AKAP9: variants seen among roughly 807,000 people sequenced by gnomAD.
AKAP9 encodes the protein A-kinase anchoring protein 9, also known as A-kinase anchor protein 9.
Under a neutral mutation model 488.5 loss-of-function variants are expected in AKAP9, and 311 were observed. The observed-to-expected ratio is 0.64, with a 90% CI of 0.58 to 0.70. AKAP9 has a LOEUF of 0.70. Ranked by LOEUF, AKAP9 falls within the 30% of genes least tolerant of loss-of-function variation. The pLI is 0.00. For missense variants in AKAP9, 4,215 were observed against 4,374.5 expected, an observed-to-expected ratio of 0.96 and a Z score of 1.03; for synonymous variants, 1,462 against 1,483.5, an observed-to-expected ratio of 0.99 and a Z score of 0.33.
In AKAP9 at chr7:91,994,639, G is replaced by A. The variant is rs1233431465; in HGVS notation, c.595G>A (p.Ala199Thr). 5 of 1,612,498 alleles carry A rather than the reference G, an allele frequency of 3.1e-6. No homozygotes were observed. The Admixed American group carries it at 8.4e-5, about 27-fold the overall frequency. ...GLQQLQEFEA[A>T]IKQRDGIITQ... The stretch of plus-strand genomic sequence containing the variant: ...CTTTCAGTTACAAGAATTTGAAGCT[G>A]CCATTAAACAAAGAGATGGCATTAT... The change falls in exon 6 of 50, where the codon GCC (alanine) becomes ACC (threonine). Residue 199 changes from alanine (A) to threonine (T), a missense_variant. Coordinates refer to ENST00000356239, the MANE Select transcript of AKAP9 (RefSeq NM_005751.5).
intron 1 of AKAP9, among the ~76,000 whole-genome samples, chr7:91,962,836 CTG>C (rs68124929): frequency 0.4 from 60,478 of 151,602 alleles, 12,318 homozygotes; most frequent in African/African-American, 0.46. Flanking sequence ...TTTAATCGAA[CTG>C]TTTATGATGC....
At chr7:91,979,711 T>C (rs1370352986) in intron 2 of AKAP9, among the ~76,000 whole-genome samples, 1 of 152,194 alleles carries the variant, frequency 6.6e-6, no homozygotes, top group African/African-American at 2.4e-5. Context: ...TAATGTATGA[T>C]AGTGCATCTG....
chr7:92,066,696 G>A, intron 26 of AKAP9, 150 bp downstream of exon 26: 2 of 982,036 alleles, frequency 2.0e-6, no homozygotes, highest in Non-Finnish European at 3.0e-6. Flanking sequence ...GCATGAGAAG[G>A]TAATTAACCC....
At chr7:91,971,309 A>G (rs1489017255) in intron 1 of AKAP9, among the ~76,000 whole-genome samples, 2 of 152,044 alleles carry the variant, frequency 1.3e-5, no homozygotes, top group Non-Finnish European at 2.9e-5. Flanking sequence ...CTCAGTTCCA[A>G]AATTTCTTTT....
chr7:92,095,155 G>T lies in AKAP9; in HGVS notation c.9711G>T (p.Arg3237=), dbSNP rs747049411. The change falls in exon 40 of 50, where the codon CGG becomes CGT. Residue 3237 remains arginine (R), a synonymous_variant. Coordinates refer to ENST00000356239, the MANE Select transcript of AKAP9 (RefSeq NM_005751.5). ...EKAKLGRSEE[R]DKEELEDLKF... ...CCAAGTTGGGACGCAGTGAAGAACG[G>T]GATAAAGAAGAACTTGAGGTACTGT... The T allele has an allele frequency of 2.5e-6, 4 of 1,614,036 alleles. No individual in the cohort carries two copies. The highest frequency in any genetic ancestry group is 1.7e-5 in the Admixed American group (1 of 60,000).
At chr7:92,106,690 C>T (rs1329955728) in intron 47 of AKAP9, among the ~76,000 whole-genome samples, 1 of 152,062 alleles carries the variant, frequency 6.6e-6, no homozygotes, top group Non-Finnish European at 1.5e-5. Flanking sequence ...AGATGAGGTC[C>T]GAATCTGGGG....
At chr7:92,049,982 C>T (rs1807661113) in intron 21 of AKAP9, among the ~76,000 whole-genome samples, 1 of 151,988 alleles carries the variant, frequency 6.6e-6, no homozygotes, top group African/African-American at 2.4e-5. Context: ...AAACATTAGA[C>T]TGTCTTCATA....
rs181172349 is a variant in AKAP9, at chr7:91,957,650, A to G, written c.49-16061A>G. Reference sequence around the variant, plus strand: ...CACAGATGAGTACAGTTAGCTTTATATATATTATCCTCTGAGTCTTATCTA... The same window carrying G: ...CACAGATGAGTACAGTTAGCTTTATGTATATTATCCTCTGAGTCTTATCTA... On this transcript the variant is annotated intron_variant, in intron 1 of 49. Transcript: ENST00000356239. 1.9e-3 allele frequency among the ~76,000 whole-genome samples: 286 copies of G among 152,302 alleles called. 1 individual carries two copies. Among genetic ancestry groups the G allele is most frequent in the Middle Eastern group, 3.4e-3 (1 of 294 alleles).
In AKAP9 at chr7:92,062,439, C is replaced by T; in HGVS notation, c.5930C>T (p.Ser1977Phe). ...ATCCAAGAAGAAAGAGAATTACTGT[C>T]CAGACAAAAGGAAGCTATGAAAGCA... ...QQIQEERELL[S>F]RQKEAMKAEA... The change falls in exon 24 of 50, where the codon TCC becomes TTC. Residue 1977 changes from serine to phenylalanine, a missense_variant. Transcript: ENST00000356239. The T allele has an allele frequency of 6.2e-7, 1 of 1,613,704 alleles. No individual in the cohort carries two copies. Among genetic ancestry groups the T allele is most frequent in the Non-Finnish European group, 8.5e-7 (1 of 1,179,806 alleles).
At chr7:91,967,195 T>C (rs1360745871) in intron 1 of AKAP9, among the ~76,000 whole-genome samples, 2 of 152,226 alleles carry the variant, frequency 1.3e-5, no homozygotes, top group Admixed American at 6.5e-5. Flanking sequence ...TGAATTTGTT[T>C]ATCAGTTCTA....
chr7:91,994,690 C>G lies in AKAP9; in HGVS notation c.646C>G (p.Gln216Glu). The G allele has an allele frequency of 6.2e-7, 1 of 1,613,110 alleles. No homozygotes were observed. Among genetic ancestry groups the G allele is most frequent in the South Asian group, 1.1e-5 (1 of 90,934 alleles). Residue 216 changes from glutamine to glutamate, a missense_variant, in exon 6 of 50, where the codon CAA becomes GAA. This residue lies in a region of AKAP9 where 2,361 missense variants were observed against 2,430.0 expected (regional missense o/e 0.97). Transcript: ENST00000356239. ...AACCCAGCTCACTGCTAATTTACAA[C>G]AAGCAAGAAGAGAAAAGGATGAGAC... Reference protein sequence around the residue: ...IITQLTANLQQARREKDETMR... With the variant: ...IITQLTANLQEARREKDETMR...
In AKAP9 at chr7:91,940,931, T is replaced by C. The variant is rs1790663049; in HGVS notation, c.-169T>C. ...GCGCTTCCCGTGCGGCTGAGGACGA[T>C]CCGCCAGTGAGCGCGGAGACTGCTT... On this transcript the variant is annotated 5_prime_UTR_variant, in exon 1 of 50. Coordinates refer to ENST00000356239, the MANE Select transcript of AKAP9 (RefSeq NM_005751.5). 2.7e-6 allele frequency: 2 copies of C among 739,308 alleles called. No individual in the cohort carries two copies. The highest frequency in any genetic ancestry group is 4.8e-6 in the Non-Finnish European group (2 of 418,224). The allele number at this position is 739,308 out of a possible 1,614,324, so 45.8% of individuals were successfully genotyped here. A position where few individuals can be genotyped will look rare whatever the true frequency, so the allele number is the denominator to read the frequency against.
intron 1 of AKAP9, among the ~76,000 whole-genome samples, chr7:91,956,821 G>A (rs1055024376): frequency 1.3e-5 from 2 of 152,150 alleles, no homozygotes; most frequent in African/African-American, 4.8e-5. Flanking sequence ...ACTGTGAATA[G>A]CCATTGTATT....
chr7:92,003,110 A>G lies in AKAP9; in HGVS notation c.3193A>G (p.Ser1065Gly), dbSNP rs185594755. 305 of 1,612,030 alleles carry G rather than the reference A, an allele frequency of 1.9e-4. 1 individual carries two copies. The East Asian group carries it at 5.2e-3, about 27-fold the overall frequency. ...TGAAAATATGACTGTTGGAGAAGAA[A>G]GTAAGCAAGAACAGTTGATTTTGGA... ...SFENMTVGEE[S>G]KQEQLILDHL... is the part of the protein sequence containing the mutation. The change falls in exon 8 of 50, where the codon AGT (serine) becomes GGT (glycine). Residue 1065 changes from serine to glycine, a missense_variant. This residue lies in a region of AKAP9 where 2,361 missense variants were observed against 2,430.0 expected (regional missense o/e 0.97). Coordinates refer to ENST00000356239, the MANE Select transcript of AKAP9 (RefSeq NM_005751.5).
intron 10 of AKAP9, among the ~76,000 whole-genome samples, chr7:92,014,933 A>G (rs1162598253): frequency 2.0e-5 from 3 of 152,192 alleles, no homozygotes; most frequent in African/African-American, 7.2e-5. Context: ...GACGGTGTAG[A>G]GTGAGCCAAA....
intron 1 of AKAP9, among the ~76,000 whole-genome samples, chr7:91,966,327 G>T (rs1273266693): frequency 2.0e-5 from 3 of 152,042 alleles, no homozygotes; most frequent in African/African-American, 7.2e-5. Context: ...GTAGTTTCAG[G>T]TCTTAGATTT....
chr7:91,941,324 G>A (rs1362573433), intron 1 of AKAP9, among the ~76,000 whole-genome samples, 177 bp downstream of exon 1: 1 of 152,178 alleles, frequency 6.6e-6, no homozygotes, highest in Non-Finnish European at 1.5e-5. Context: ...TTTTCCAGTT[G>A]GGGGACAAAG....
rs139378600 is a variant in AKAP9, at chr7:92,094,533, C to G, written c.9579-490C>G. On this transcript the variant is annotated intron_variant, in intron 39 of 49. Transcript: ENST00000356239. The stretch of plus-strand genomic sequence containing the variant: ...GGGTGACAAGAGGGAAACTCCGTCT[C>G]AAAAAAAAAGAAAAAAGAGGGCCGG... Among the ~76,000 whole-genome samples, 537 of 137,976 alleles carry G rather than the reference C, an allele frequency of 3.9e-3. 4 individuals are homozygous for G. The highest frequency in any genetic ancestry group is 0.014 in the African/African-American group (508 of 37,160). 90.5% of individuals were successfully genotyped at this position (137,976 alleles called of 152,430 possible). A position where few individuals can be genotyped will look rare whatever the true frequency, so the allele number is the denominator to read the frequency against.
chr7:91,978,241 CAAAAAAAAAAAA>C (rs11295179), intron 2 of AKAP9, among the ~76,000 whole-genome samples: 3 of 88,734 alleles, frequency 3.4e-5, no homozygotes, highest in Non-Finnish European at 4.7e-5. Flanking sequence ...GACTCTGTCT[CAAAAAAAAAAAA>C]AAAAAAAAGA....
Sources: allele counts gnomAD v4.1 joint callset (sites outside exome capture counted in the v4.1 genomes callset), GRCh38; gene constraint gnomAD v4.1.1; regional missense constraint gnomAD v4.1.1; transcripts MANE v1.5; gene names NCBI Gene and HGNC (gene_info 2026-07-23, HGNC 2026-07-21).